Variants in PDLIM7 observed in about 807,000 individuals in gnomAD.
The protein encoded by PDLIM7 is PDZ and LIM domain 7.
In PDLIM7, 37 loss-of-function variants were observed where a neutral mutation model predicts 53.9. The observed-to-expected ratio is 0.69, with a 90% CI of 0.53 to 0.90. PDLIM7 has a LOEUF of 0.90. PDLIM7 is among the 40% of genes least tolerant of loss of function. The pLI, the probability that PDLIM7 is intolerant of heterozygous loss-of-function variation, is 0.00. For missense variants in PDLIM7, 617 were observed against 638.5 expected (o/e 0.97, Z 0.36); for synonymous variants, 300 against 261.3 (o/e 1.15, Z -1.43).
intron 10 of PDLIM7, among the ~76,000 whole-genome samples, chr5:177,487,312 C>T (rs990662729): frequency 3.9e-5 from 6 of 152,218 alleles, no homozygotes; most frequent in African/African-American, 1.4e-4. Context: ...TATTTCCCAG[C>T]CTCCGTTGCC....
rs760913466 is a variant in PDLIM7 at position 177,484,269 on chromosome 5, G to A, written c.1051-79C>T. ...GGGTCACGGGAACACAGGAGGGCTG[G>A]CCGCAAGCCCTGTTCCTTCTCGCGG... is the stretch of plus-strand genomic sequence containing the variant. On this transcript the variant is annotated intron_variant, in intron 10 of 12. Transcript: ENST00000355841. 281 of 1,559,778 alleles carry A rather than the reference G, an allele frequency of 1.8e-4. No homozygotes were observed. The Admixed American group carries it at 4.6e-3, about 25-fold the overall frequency.
At chr5:177,496,335 G>T in intron 2 of PDLIM7, 82 bp downstream of exon 2, 2 of 1,081,638 alleles carry the variant, frequency 1.8e-6, no homozygotes, top group Non-Finnish European at 2.6e-6. Context: ...ACCAGCTCCT[G>T]TTAGGACTCC....
At position 177,483,443 on chromosome 5, in the gene PDLIM7, T is replaced by C; in HGVS notation, c.*201A>G. The C allele has an allele frequency of 1.9e-6, 1 of 535,086 alleles. No individual in the cohort carries two copies. Among genetic ancestry groups the C allele is most frequent in the South Asian group, 2.8e-5 (1 of 36,244 alleles). 33.1% of individuals were successfully genotyped at this position (535,086 alleles called of 1,614,324 possible). A position where few individuals can be genotyped will look rare whatever the true frequency, so the allele number is the denominator to read the frequency against. ...GGCACTGGAGGTGAAAGGGGGCTGG[T>C]GTGGCCAGCACCGGTGTGCTGTGGT... On this transcript the variant is annotated 3_prime_UTR_variant, in exon 13 of 13. Coordinates refer to ENST00000355841, the MANE Select transcript of PDLIM7 (RefSeq NM_005451.5).
At chr5:177,493,154 C>T (rs1026425930) in intron 2 of PDLIM7, among the ~76,000 whole-genome samples, 1 of 152,186 alleles carries the variant, frequency 6.6e-6, no homozygotes, top group African/African-American at 2.4e-5. Context: ...CCCGAAACCA[C>T]CGGGGGCTCT....
At chr5:177,489,652 G>C (rs1367532017) in intron 8 of PDLIM7, 25 bp from the exon 9 acceptor site, 2 of 1,544,038 alleles carry the variant, frequency 1.3e-6, no homozygotes, top group African/African-American at 1.4e-5. Context: ...GACTCTAAAG[G>C]GGTGCCCAGG....
intron 2 of PDLIM7, among the ~76,000 whole-genome samples, chr5:177,496,202 T>C (rs1050315012): frequency 6.6e-6 from 1 of 152,070 alleles, no homozygotes; most frequent in African/African-American, 2.4e-5. Context: ...CAGCATCGGG[T>C]ACAGTGCAGG....
intron 5 of PDLIM7, chr5:177,491,532 T>C (rs1758782783): frequency 1.1e-6 from 1 of 890,040 alleles, no homozygotes; most frequent in Middle Eastern, 2.7e-4. Flanking sequence ...GCACTGAGTG[T>C]CTGGGGCTCA....
At chr5:177,486,210 C>T (rs1271957659) in intron 10 of PDLIM7, among the ~76,000 whole-genome samples, 1 of 151,946 alleles carries the variant, frequency 6.6e-6, no homozygotes, top group Non-Finnish European at 1.5e-5. Context: ...TGAGCCACTG[C>T]ATCATGCAGG....
intron 4 of PDLIM7, 103 bp from the exon 5 acceptor site, chr5:177,492,028 C>A: frequency 2.2e-6 from 1 of 463,550 alleles, no homozygotes; most frequent in South Asian, 5.7e-5. Flanking sequence ...CTCCAGCCCC[C>A]CACCCCCACC....
chr5:177,489,674 A>G, intron 8 of PDLIM7, 47 bp from the exon 9 acceptor site: 1 of 1,509,752 alleles, frequency 6.6e-7, no homozygotes, highest in Non-Finnish European at 8.9e-7. Flanking sequence ...ACCCCAAAGG[A>G]CGGGGGTGGA....
chr5:177,485,984 A>G (rs1758416387), intron 10 of PDLIM7, among the ~76,000 whole-genome samples: 1 of 152,160 alleles, frequency 6.6e-6, no homozygotes, highest in Non-Finnish European at 1.5e-5. Context: ...AGACCCTATC[A>G]TTATACATAA....
chr5:177,491,689 C>A, intron 5 of PDLIM7, 118 bp downstream of exon 5: 1 of 661,264 alleles, frequency 1.5e-6, no homozygotes, highest in Non-Finnish European at 2.4e-6. Context: ...CGCCAGGGGG[C>A]GCTGCCGCAC....
At chr5:177,485,980 T>A (rs932312975) in intron 10 of PDLIM7, among the ~76,000 whole-genome samples, 2 of 152,160 alleles carry the variant, frequency 1.3e-5, no homozygotes, top group Non-Finnish European at 2.9e-5. Flanking sequence ...AGCAAGACCC[T>A]ATCATTATAC....
At position 177,484,198 on chromosome 5, in the gene PDLIM7, G is replaced by A. The variant is rs1339216300; in HGVS notation, c.1051-8C>T. ...CAGGGCGTGCATGATCTCCTGGAAG[G>A]AGGTCCCAGTCACTCGGCAGGCTCA... On this transcript the variant is annotated splice_polypyrimidine_tract_variant and splice_region_variant and intron_variant, in intron 10 of 12. Coordinates refer to ENST00000355841, the MANE Select transcript of PDLIM7 (RefSeq NM_005451.5). 1.9e-6 allele frequency: 3 copies of A among 1,612,532 alleles called. No homozygotes were observed. Among genetic ancestry groups the A allele is most frequent in the Non-Finnish European group, 2.5e-6 (3 of 1,179,902 alleles).
chr5:177,486,466 T>C (rs1758444931), intron 10 of PDLIM7, among the ~76,000 whole-genome samples: 1 of 151,876 alleles, frequency 6.6e-6, no homozygotes, highest in South Asian at 2.1e-4. Flanking sequence ...ATCACAGAAA[T>C]AGGTTTTCTG....
In PDLIM7 at chr5:177,489,393, C is replaced by A; in HGVS notation, c.869G>T (p.Arg290Leu). The A allele has an allele frequency of 1.3e-6, 2 of 1,566,810 alleles. No homozygotes were observed. The highest frequency in any genetic ancestry group is 1.7e-6 in the Non-Finnish European group (2 of 1,153,706). ...PVCHQCHKVI[R>L]GRYLVALGHA... ...GGTCGGACAGGAACAGGCCACCCAC[C>A]GGATGACCTTGTGGCACTGGTGACA... is the stretch of plus-strand genomic sequence containing the variant. Residue 290 changes from arginine to leucine, a missense_variant and splice_region_variant, in exon 9 of 13, where the codon CGG becomes CTG. By Grantham distance (102) the Arg-to-Leu change is moderately radical. Transcript: ENST00000355841.
chr5:177,495,531 T>C (rs532176195), intron 2 of PDLIM7, among the ~76,000 whole-genome samples: 1 of 152,328 alleles, frequency 6.6e-6, no homozygotes, highest in African/African-American at 2.4e-5. Flanking sequence ...GCAGGCAATT[T>C]GTTGTGTCTC....
At chr5:177,490,501 G>A (rs746536110) in intron 7 of PDLIM7, 64 of 1,557,398 alleles carry the variant, frequency 4.1e-5, no homozygotes, top group Non-Finnish European at 4.9e-5. Context: ...GCCGGGCTAC[G>A]ACTGCACGTT....
chr5:177,494,216 G>T (rs1219229060), intron 2 of PDLIM7, among the ~76,000 whole-genome samples: 1 of 152,230 alleles, frequency 6.6e-6, no homozygotes, highest in Non-Finnish European at 1.5e-5. Flanking sequence ...CTTGCCTCAA[G>T]TCACCCAGCT....
Sources: gnomAD v4.1 joint callset for allele counts (sites outside exome capture counted in the v4.1 genomes callset) on GRCh38, gnomAD v4.1.1 for gene constraint, MANE v1.5 for transcripts, NCBI Gene and HGNC (gene_info 2026-07-23, HGNC 2026-07-21) for gene names.